The following XIRP2 variants were observed in gnomAD, a reference collection of about 807,000 sequenced individuals.
The protein encoded by XIRP2 is xin actin binding repeat containing 2.
In XIRP2, 236 loss-of-function variants were observed where a neutral mutation model predicts 277.0. That is an observed-to-expected ratio of 0.85 (90% CI 0.77 to 0.95). The LOEUF (loss-of-function observed/expected upper bound fraction) is 0.95. XIRP2 is among the 40% of genes least tolerant of loss of function. The pLI, the probability that XIRP2 is intolerant of heterozygous loss-of-function variation, is 0.00. For missense variants in XIRP2, 4,640 were observed against 4,157.5 expected, an observed-to-expected ratio of 1.12 and a Z score of -3.19; for synonymous variants, 1,490 against 1,416.5, an observed-to-expected ratio of 1.05 and a Z score of -1.17.
chr2:167,012,355 C>T (rs556028302), intron 2 of XIRP2, among the ~76,000 whole-genome samples: 1 of 151,874 alleles, frequency 6.6e-6, no homozygotes, highest in African/African-American at 2.4e-5. Flanking sequence ...TAATAAGATT[C>T]TACTTTCTAC....
intron 3 of XIRP2, among the ~76,000 whole-genome samples, chr2:167,150,989 T>C (rs1691998922): frequency 6.6e-6 from 1 of 152,070 alleles, no homozygotes; most frequent in Admixed American, 6.6e-5. Flanking sequence ...AAAATATTAG[T>C]GAATAGAGTA....
At chr2:166,949,287 C>T (rs1243726405) in intron 2 of XIRP2, among the ~76,000 whole-genome samples, 4 of 152,058 alleles carry the variant, frequency 2.6e-5, no homozygotes, top group Non-Finnish European at 5.9e-5. Flanking sequence ...CTCTTTCCCC[C>T]ATTAGTTCTG....
chr2:167,094,907 C>G (rs373901235), intron 2 of XIRP2, among the ~76,000 whole-genome samples: 40 of 152,238 alleles, frequency 2.6e-4, no homozygotes, highest in African/African-American at 8.7e-4. Flanking sequence ...TTACTTTGGG[C>G]AGTATGGCCA....
chr2:166,998,624 G>C (rs778033407), intron 2 of XIRP2, among the ~76,000 whole-genome samples: 1 of 152,014 alleles, frequency 6.6e-6, no homozygotes, highest in Non-Finnish European at 1.5e-5. Flanking sequence ...GTGAAAGAGC[G>C]AGACTCCATC....
At chr2:167,252,598 G>A (rs1003326231) in intron 9 of XIRP2, among the ~76,000 whole-genome samples, 5 of 151,776 alleles carry the variant, frequency 3.3e-5, no homozygotes, top group African/African-American at 9.7e-5. Flanking sequence ...ACAAATGAGC[G>A]TAAACAATGC....
At chr2:167,144,369 AG>A (rs1691807141) in intron 3 of XIRP2, among the ~76,000 whole-genome samples, 1 of 152,126 alleles carries the variant, frequency 6.6e-6, no homozygotes, top group Non-Finnish European at 1.5e-5. Context: ...ATAGTATATG[AG>A]GACTCATAAC....
intron 2 of XIRP2, among the ~76,000 whole-genome samples, chr2:167,007,051 T>A (rs1282123688): frequency 2.0e-5 from 3 of 151,696 alleles, no homozygotes; most frequent in Non-Finnish European, 4.4e-5. Context: ...AGCAACAATG[T>A]TTCACTGCAC....
At chr2:167,206,583 T>C (rs1693860098) in intron 3 of XIRP2, among the ~76,000 whole-genome samples, 1 of 152,166 alleles carries the variant, frequency 6.6e-6, no homozygotes, top group South Asian at 2.1e-4. Context: ...CACTGTCAAG[T>C]AGTCTCTGAA....
chr2:167,134,899 A>T (rs1484582199), intron 2 of XIRP2, among the ~76,000 whole-genome samples: 1 of 152,194 alleles, frequency 6.6e-6, no homozygotes, highest in Non-Finnish European at 1.5e-5. Flanking sequence ...CAAACTGATG[A>T]TTCACGTCCT....
chr2:166,908,786 T>A (rs1397083419), intron 2 of XIRP2, among the ~76,000 whole-genome samples: 1 of 152,216 alleles, frequency 6.6e-6, no homozygotes, highest in Non-Finnish European at 1.5e-5. Context: ...TTGAATTAAT[T>A]TTTCATATAA....
At chr2:167,082,427 GC>G (rs1247614143) in intron 2 of XIRP2, among the ~76,000 whole-genome samples, 3 of 151,846 alleles carry the variant, frequency 2.0e-5, no homozygotes, top group Non-Finnish European at 4.4e-5. Context: ...TGTCTTTATA[GC>G]AGCATGATTT....
chr2:166,942,072 T>C (rs1384245298), intron 2 of XIRP2, among the ~76,000 whole-genome samples: 1 of 152,186 alleles, frequency 6.6e-6, no homozygotes, highest in African/African-American at 2.4e-5. Flanking sequence ...TAGTAAGCAC[T>C]ACCATCCTCA....
chr2:167,251,088 G>A lies in XIRP2; in HGVS notation c.9696G>A (p.Arg3232=). 6.2e-7 allele frequency: 1 copy of A among 1,613,530 alleles called. No individual in the cohort carries two copies. Among genetic ancestry groups the A allele is most frequent in the Non-Finnish European group, 8.5e-7 (1 of 1,179,734 alleles). The change falls in exon 9 of 11, where the codon AGG becomes AGA. Residue 3232 remains arginine (R), a synonymous_variant. Transcript: ENST00000409195. The part of the protein sequence containing the change: ...RRQIKIETRG[R]DSPPTITIPV... ...AAATTAAGATAGAAACTCGTGGTAG[G>A]GACTCTCCACCTACAATCACAATAC...
chr2:166,927,828 C>A (rs1235093387), intron 2 of XIRP2, among the ~76,000 whole-genome samples: 2 of 152,032 alleles, frequency 1.3e-5, no homozygotes, highest in African/African-American at 4.8e-5. Context: ...ATGCCTACCA[C>A]AATAATGCAA....
chr2:166,892,723 G>A (rs1679657369), intron 1 of XIRP2, among the ~76,000 whole-genome samples: 1 of 151,374 alleles, frequency 6.6e-6, no homozygotes, highest in African/African-American at 2.4e-5. Flanking sequence ...AACCTTTGAT[G>A]GGTTACTTGA....
At chr2:167,237,998 C>A (rs1265924445) in intron 5 of XIRP2, among the ~76,000 whole-genome samples, 1 of 152,116 alleles carries the variant, frequency 6.6e-6, no homozygotes, top group Non-Finnish European at 1.5e-5. Context: ...TGCAAGGCAC[C>A]TTGTTATATG....
At chr2:166,909,753 T>C (rs1403708230) in intron 2 of XIRP2, among the ~76,000 whole-genome samples, 1 of 152,220 alleles carries the variant, frequency 6.6e-6, no homozygotes, top group Non-Finnish European at 1.5e-5. Context: ...GGCTGTGGGT[T>C]TGTCATAAAT....
At chr2:167,195,471 C>T (rs1440334555) in intron 3 of XIRP2, among the ~76,000 whole-genome samples, 1 of 152,210 alleles carries the variant, frequency 6.6e-6, no homozygotes, top group Non-Finnish European at 1.5e-5. Context: ...TCAGCATAGT[C>T]TCCACATTCT....
intron 5 of XIRP2, among the ~76,000 whole-genome samples, chr2:167,228,395 T>C (rs1694667326): frequency 6.6e-6 from 1 of 152,186 alleles, no homozygotes; most frequent in Admixed American, 6.5e-5. Context: ...TATGGGAACA[T>C]GGTAGGCCAT....
Sources: gnomAD v4.1 joint callset for allele counts (sites outside exome capture counted in the v4.1 genomes callset) on GRCh38, gnomAD v4.1.1 for gene constraint, MANE v1.5 for transcripts, NCBI Gene and HGNC (gene_info 2026-07-23, HGNC 2026-07-21) for gene names.